CEP85L: variants seen among roughly 807,000 people sequenced by gnomAD.
CEP85L encodes centrosomal protein 85L, also known as centrosomal protein of 85 kDa-like.
Under a neutral mutation model 100.3 loss-of-function variants are expected in CEP85L, and 60 were observed. That is an observed-to-expected ratio of 0.60 (90% confidence interval 0.49 to 0.74). The LOEUF (loss-of-function observed/expected upper bound fraction) is 0.74, where lower values mean the gene tolerates loss of function less well. Among genes scored for constraint, CEP85L ranks in the 30% least tolerant of loss-of-function variants. The pLI is 0.00. For missense variants in CEP85L, 973 were observed against 936.2 expected, an observed-to-expected ratio of 1.04 and a Z score of -0.51; for synonymous variants, 319 against 322.7, an observed-to-expected ratio of 0.99 and a Z score of 0.12.
intron 3 of CEP85L, among the ~76,000 whole-genome samples, chr6:118,533,895 G>A (rs1239341686): frequency 6.6e-6 from 1 of 152,120 alleles, no homozygotes; most frequent in Non-Finnish European, 1.5e-5. Flanking sequence ...AGCAGTTCAA[G>A]ACCAACCTGG....
chr6:118,620,892 A>G (rs1413360595), intron 2 of CEP85L, among the ~76,000 whole-genome samples: 1 of 152,050 alleles, frequency 6.6e-6, no homozygotes, highest in East Asian at 1.9e-4. Context: ...AAAGTCCCAC[A>G]CCCTTATTAA....
At chr6:118,620,641 C>T (rs55761377) in intron 2 of CEP85L, among the ~76,000 whole-genome samples, 4,150 of 152,274 alleles carry the variant, frequency 0.027, 192 homozygotes, top group African/African-American at 0.093. Flanking sequence ...CTGGGGCAAG[C>T]GCCAGCTCAT....
intron 5 of CEP85L, among the ~76,000 whole-genome samples, chr6:118,498,140 G>T (rs1382416292): frequency 6.6e-6 from 1 of 152,124 alleles, no homozygotes; most frequent in East Asian, 1.9e-4. Flanking sequence ...AACCACTAAA[G>T]AATGTAAAAA....
intron 5 of CEP85L, among the ~76,000 whole-genome samples, chr6:118,507,385 A>C (rs563490423): frequency 1.3e-5 from 2 of 152,334 alleles, no homozygotes; most frequent in South Asian, 2.1e-4. Flanking sequence ...CTATTGAGAC[A>C]GCTTCCTGAC....
chr6:118,498,266 G>C (rs1775049195), intron 5 of CEP85L, among the ~76,000 whole-genome samples: 2 of 152,286 alleles, frequency 1.3e-5, no homozygotes, highest in African/African-American at 4.8e-5. Context: ...GGCTGAGGCA[G>C]GAGGATCACT....
At chr6:118,589,555 C>T (rs551412428) in intron 2 of CEP85L, 1 of 249,498 alleles carries the variant, frequency 4.0e-6, no homozygotes, top group South Asian at 6.8e-5. Context: ...AAAGGGGGAA[C>T]ACGTCTGGAC....
intron 2 of CEP85L, among the ~76,000 whole-genome samples, chr6:118,591,962 G>A (rs1195891291): frequency 6.6e-6 from 1 of 152,144 alleles, no homozygotes; most frequent in African/African-American, 2.4e-5. Flanking sequence ...ACAAAAGAAT[G>A]TAAATCAAAT....
At chr6:118,502,326 A>G (rs1032142775) in intron 5 of CEP85L, 2 of 513,714 alleles carry the variant, frequency 3.9e-6, no homozygotes, top group African/African-American at 3.9e-5. Context: ...AAGCAATTTC[A>G]GCAACCATGA....
At chr6:118,672,802 A>T (rs962467063) in intron 1 of CEP85L, among the ~76,000 whole-genome samples, 1 of 151,806 alleles carries the variant, frequency 6.6e-6, no homozygotes, top group African/African-American at 2.4e-5. Context: ...AGGAGGAAGG[A>T]GGAGGAAGGA....
At chr6:118,692,813 C>G (rs794859) in intron 1 of CEP85L, among the ~76,000 whole-genome samples, 105,897 of 149,878 alleles carry the variant, frequency 0.71, 38,344 homozygotes, top group Non-Finnish European at 0.76. Context: ...GGGGGCTTCA[C>G]GGATTTTTGC....
chr6:118,521,055 T>C (rs987516059), intron 4 of CEP85L, among the ~76,000 whole-genome samples: 2 of 152,194 alleles, frequency 1.3e-5, no homozygotes, highest in African/African-American at 4.8e-5. Context: ...TTTTGGATAA[T>C]ATATTTTCAG....
chr6:118,472,183 C>T (rs1773011542), intron 10 of CEP85L, among the ~76,000 whole-genome samples: 1 of 152,002 alleles, frequency 6.6e-6, no homozygotes, highest in Admixed American at 6.6e-5. Context: ...AATTCAGAGT[C>T]ATGTTGAATG....
chr6:118,482,001 C>G, intron 7 of CEP85L, 68 bp from the exon 8 acceptor site: 1 of 888,264 alleles, frequency 1.1e-6, no homozygotes, highest in Non-Finnish European at 1.5e-6. Context: ...GAAACTGTTA[C>G]TGTGTTGGCA....
At chr6:118,471,553 T>C (rs1772955361) in intron 10 of CEP85L, among the ~76,000 whole-genome samples, 1 of 151,978 alleles carries the variant, frequency 6.6e-6, no homozygotes, top group East Asian at 1.9e-4. Flanking sequence ...TAAAAAAAGA[T>C]AGCTATCACC....
At chr6:118,523,952 T>A (rs1173433658) in intron 3 of CEP85L, 32 bp from the exon 4 acceptor site, 1 of 864,558 alleles carries the variant, frequency 1.2e-6, no homozygotes, top group Non-Finnish European at 1.8e-6. Flanking sequence ...ATTAGTATAC[T>A]AAAATATTTA....
rs781266268 is a variant in CEP85L at position 118,641,151 on chromosome 6, TTCCC to T, written c.74-8544_74-8541del. 6.6e-5 allele frequency among the ~76,000 whole-genome samples: 10 copies of T among 152,168 alleles called. No homozygotes were observed. The South Asian group carries it at 1.7e-3, about 25-fold the overall frequency. ...CTTCCAAGTTTTTAACCTTGCTCTT[TTCCC>T]TCCCTATTTAATCAAGGACATCTAC... On this transcript the variant is annotated intron_variant, in intron 1 of 12. Coordinates refer to ENST00000368491, the MANE Select transcript of CEP85L (RefSeq NM_001042475.3).
At chr6:118,703,023 A>G (rs1777470003) in intron 1 of CEP85L, among the ~76,000 whole-genome samples, 1 of 149,060 alleles carries the variant, frequency 6.7e-6, no homozygotes, top group Non-Finnish European at 1.5e-5. Context: ...AAAGAGCTAG[A>G]GTTCATTTTA....
intron 2 of CEP85L, among the ~76,000 whole-genome samples, chr6:118,616,761 A>G (rs1478671288): frequency 1.3e-5 from 2 of 151,896 alleles, no homozygotes; most frequent in African/African-American, 4.8e-5. Flanking sequence ...CCTGGCCAAC[A>G]TGGTGAAACG....
intron 3 of CEP85L, among the ~76,000 whole-genome samples, chr6:118,543,588 AAG>A (rs1778031617): frequency 1.3e-5 from 2 of 152,232 alleles, no homozygotes; most frequent in Admixed American, 1.3e-4. Context: ...ATTAGAAATT[AAG>A]AACAAGCAAA....
Sources: gnomAD v4.1 joint callset for allele counts (sites outside exome capture counted in the v4.1 genomes callset) on GRCh38, gnomAD v4.1.1 for gene constraint, MANE v1.5 for transcripts, NCBI Gene and HGNC (gene_info 2026-07-23, HGNC 2026-07-21) for gene names.